RPS6KA6: variants seen among roughly 807,000 people sequenced by gnomAD.
RPS6KA6 encodes the protein ribosomal protein S6 kinase A6.
In RPS6KA6, 27 loss-of-function variants were observed where a neutral mutation model predicts 65.4. That is an observed-to-expected ratio of 0.41 (90% CI 0.30 to 0.57). The LOEUF (loss-of-function observed/expected upper bound fraction) is 0.57, where lower values mean the gene tolerates loss of function less well. Ranked by LOEUF, RPS6KA6 falls within the 20% of genes least tolerant of loss-of-function variation. The pLI, the probability that RPS6KA6 is intolerant of heterozygous loss-of-function variation, is 0.24. For synonymous variants in RPS6KA6, 190 were observed against 184.2 expected, an observed-to-expected ratio of 1.03 and a Z score of -0.26; for missense variants, 486 against 555.6, an observed-to-expected ratio of 0.87 and a Z score of 1.26.
chrX:84,150,952 G>GAT (rs1219813079), intron 3 of RPS6KA6, among the ~76,000 whole-genome samples: 2 of 87,906 alleles, frequency 2.3e-5, no homozygotes, highest in Non-Finnish European at 4.4e-5. Context: ...ATATATATAG[G>GAT]ATATATATAT....
At chrX:84,104,279 C>A (rs185067866) in intron 17 of RPS6KA6, among the ~76,000 whole-genome samples, 1 of 110,864 alleles carries the variant, frequency 9.0e-6, no homozygotes, top group Non-Finnish European at 1.9e-5. Context: ...TAATTCAAAC[C>A]GCTTTTTAAA....
chrX:84,148,402 T>G (rs965139247), intron 3 of RPS6KA6, among the ~76,000 whole-genome samples: 1 of 110,479 alleles, frequency 9.1e-6, no homozygotes, highest in African/African-American at 3.3e-5. Context: ...TGAAAAAAGT[T>G]ATACCTTCTC....
At chrX:84,088,312 G>A (rs916997082) in intron 20 of RPS6KA6, among the ~76,000 whole-genome samples, 6 of 111,839 alleles carry the variant, frequency 5.4e-5, no homozygotes, top group East Asian at 2.8e-4. Context: ...TGTCTTTTTC[G>A]TTGGTGCTGT....
chrX:84,180,332 T>C (rs2035831409), intron 1 of RPS6KA6, among the ~76,000 whole-genome samples: 1 of 112,247 alleles, frequency 8.9e-6, no homozygotes, highest in Admixed American at 9.5e-5. Flanking sequence ...TTCTGCCTTT[T>C]TGAAAAAGGT....
At chrX:84,153,568 C>T (rs1294543993) in intron 3 of RPS6KA6, among the ~76,000 whole-genome samples, 1 of 111,647 alleles carries the variant, frequency 9.0e-6, no homozygotes, top group Non-Finnish European at 1.9e-5. Flanking sequence ...ACAATAAAAA[C>T]ATTTAATGTT....
At chrX:84,146,860 TAA>T in intron 5 of RPS6KA6, 116 bp downstream of exon 5, 2 of 379,180 alleles carry the variant, frequency 5.3e-6, no homozygotes, top group Middle Eastern at 7.7e-4. Flanking sequence ...CTGAATATAC[TAA>T]GTCTAAAGTA....
chrX:84,111,738 A>G (rs993309152), intron 12 of RPS6KA6, among the ~76,000 whole-genome samples: 9 of 112,222 alleles, frequency 8.0e-5, no homozygotes, highest in African/African-American at 2.9e-4. Context: ...AAAGGCACAC[A>G]TAAGTAGAAA....
intron 16 of RPS6KA6, among the ~76,000 whole-genome samples, chrX:84,105,033 T>TA (rs770836256): frequency 3.2e-4 from 36 of 111,058 alleles, no homozygotes; most frequent in Non-Finnish European, 5.9e-4. Flanking sequence ...TGAAAGTAAA[T>TA]ACATTATTTA....
At chrX:84,181,348 G>A (rs953567725) in intron 1 of RPS6KA6, among the ~76,000 whole-genome samples, 15 of 111,239 alleles carry the variant, frequency 1.3e-4, no homozygotes, top group Admixed American at 5.7e-4. Flanking sequence ...ACTAGCTACG[G>A]TACTAAATTT....
At chrX:84,169,579 G>A (rs1023214659) in intron 1 of RPS6KA6, among the ~76,000 whole-genome samples, 1 of 111,902 alleles carries the variant, frequency 8.9e-6, no homozygotes, top group South Asian at 3.7e-4. Flanking sequence ...GAAGTTAACA[G>A]AGCTTGTAGC....
intron 6 of RPS6KA6, among the ~76,000 whole-genome samples, chrX:84,140,978 T>TA (rs2035092202): frequency 9.1e-6 from 1 of 109,818 alleles, no homozygotes; most frequent in Non-Finnish European, 1.9e-5. Flanking sequence ...AAATTAATCT[T>TA]AAACTAAATA....
intron 1 of RPS6KA6, among the ~76,000 whole-genome samples, chrX:84,166,276 C>T (rs2035595450): frequency 9.0e-6 from 1 of 111,496 alleles, no homozygotes; most frequent in East Asian, 2.8e-4. Flanking sequence ...AGTATCAACT[C>T]CAAGATGGCT....
chrX:84,145,344 C>A, intron 6 of RPS6KA6, 134 bp downstream of exon 6: 1 of 419,580 alleles, frequency 2.4e-6, no homozygotes, highest in South Asian at 4.4e-5. Flanking sequence ...AGGCACATTA[C>A]CAAATACTAT....
At chrX:84,151,664 G>A (rs987597495) in intron 3 of RPS6KA6, among the ~76,000 whole-genome samples, 13 of 111,565 alleles carry the variant, frequency 1.2e-4, no homozygotes, top group Non-Finnish European at 2.3e-4. Flanking sequence ...ATTTTGTTAC[G>A]TGGCTAAGGG....
At position 84,065,088 on chromosome X, in the gene RPS6KA6, A is replaced by G. The variant is rs2033371082; in HGVS notation, c.1995T>C (p.His665=). Residue 665 remains histidine, a synonymous_variant, in exon 21 of 22, where the codon CAT becomes CAC. Coordinates refer to ENST00000262752, the MANE Select transcript of RPS6KA6 (RefSeq NM_014496.5). ...CAGTATACCGCTGATGTGGGTCCATATGAAGCATATGGGAAAGCAAATCCT... is the reference window on the plus strand; with the variant it reads ...CAGTATACCGCTGATGTGGGTCCATGTGAAGCATATGGGAAAGCAAATCCT... The part of the protein sequence containing the change: ...GAKDLLSHML[H]MDPHQRYTAE... 1 of 1,196,653 alleles carries G rather than the reference A, an allele frequency of 8.4e-7. No homozygotes were observed. The highest frequency in any genetic ancestry group is 1.1e-6 in the Non-Finnish European group (1 of 885,218).
intron 2 of RPS6KA6, among the ~76,000 whole-genome samples, chrX:84,157,087 T>A (rs934902055): frequency 2.7e-5 from 3 of 112,064 alleles, no homozygotes; most frequent in African/African-American, 9.7e-5. Flanking sequence ...ATGTTCTCAA[T>A]CTATTCACTC....
At chrX:84,132,689 A>T (rs1470907476) in intron 8 of RPS6KA6, among the ~76,000 whole-genome samples, 2 of 108,795 alleles carry the variant, frequency 1.8e-5, no homozygotes, top group African/African-American at 6.6e-5. Context: ...TATATAATAT[A>T]AATAATATAT....
Position 84,164,370 on chromosome X carries a change from C to T in RPS6KA6, c.99G>A (p.Met33Ile). ...ASSGEVNGLKMVDEPMEEGEA... is the reference protein window; with the variant it reads ...ASSGEVNGLKIVDEPMEEGEA... Reference sequence around the variant, plus strand: ...CTCCCTCTTCCATTGGCTCATCAACCATTTTAAGACCATTTACCTGAAAAA... The same window carrying T: ...CTCCCTCTTCCATTGGCTCATCAACTATTTTAAGACCATTTACCTGAAAAA... The change falls in exon 2 of 22, where the codon ATG (methionine) becomes ATA (isoleucine). Residue 33 changes from methionine (M) to isoleucine (I), a missense_variant. Coordinates refer to ENST00000262752, the MANE Select transcript of RPS6KA6 (RefSeq NM_014496.5). The T allele has an allele frequency of 1.7e-6, 2 of 1,191,916 alleles. No homozygotes were observed. The highest frequency in any genetic ancestry group is 2.3e-6 in the Non-Finnish European group (2 of 880,161).
At chrX:84,144,712 T>A (rs1392546825) in intron 6 of RPS6KA6, among the ~76,000 whole-genome samples, 2 of 110,929 alleles carry the variant, frequency 1.8e-5, no homozygotes, top group Non-Finnish European at 3.8e-5. Flanking sequence ...TATGATACAA[T>A]CACTTGTACA....
Sources: allele counts gnomAD v4.1 joint callset (sites outside exome capture counted in the v4.1 genomes callset), GRCh38; gene constraint gnomAD v4.1.1; transcripts MANE v1.5; gene names NCBI Gene and HGNC (gene_info 2026-07-23, HGNC 2026-07-21).